The following EPHB1 variants were observed in gnomAD, a reference collection of about 807,000 sequenced individuals.
EPHB1 encodes the protein ephrin type-B receptor 1.
In EPHB1, 30 loss-of-function variants were observed where a neutral mutation model predicts 94.4. That is an observed-to-expected ratio of 0.32 (90% CI 0.24 to 0.43). EPHB1 has a LOEUF of 0.43. EPHB1 is among the 20% of genes least tolerant of loss of function. EPHB1 has a pLI of 1.00. For missense variants in EPHB1, 1,055 were observed against 1,308.3 expected, an observed-to-expected ratio of 0.81 and a Z score of 2.99; for synonymous variants, 522 against 489.1, an observed-to-expected ratio of 1.07 and a Z score of -0.89.
At chr3:135,128,598 A>G (rs1321678096) in intron 4 of EPHB1, among the ~76,000 whole-genome samples, 3 of 152,198 alleles carry the variant, frequency 2.0e-5, no homozygotes, top group African/African-American at 7.2e-5. Context: ...CAGCATTGTT[A>G]GGAGGCCATC....
chr3:134,965,261 A>G (rs530893527), intron 3 of EPHB1, among the ~76,000 whole-genome samples: 19 of 152,332 alleles, frequency 1.2e-4, no homozygotes, highest in Admixed American at 2.0e-4. Flanking sequence ...GATACTCATT[A>G]AGAACCAGTA....
In EPHB1 at chr3:135,191,135, G is replaced by C. The variant is rs569896909; in HGVS notation, c.1883-1441G>C. On this transcript the variant is annotated intron_variant, in intron 10 of 15. Transcript: ENST00000398015. ...GAAGGAAGGAAGGGAGGGAGGGACA[G>C]AGGGAGAAAAAGGGAGGAAGGATGG... Among the ~76,000 whole-genome samples the C allele has an allele frequency of 3.3e-5, 5 of 152,004 alleles. 1 individual carries two copies. Among genetic ancestry groups the C allele is most frequent in the African/African-American group, 1.2e-4 (5 of 41,456 alleles).
In EPHB1 at chr3:134,888,657, G is replaced by A. The variant is rs142700274; in HGVS notation, c.59-37159G>A. ...AGGGAGTTGGAGATTGCAGTGAGCC[G>A]TGATCACGCCACTGCACTCCAGCCT... On this transcript the variant is annotated intron_variant, in intron 1 of 15. Transcript: ENST00000398015. Among the ~76,000 whole-genome samples the A allele has an allele frequency of 5.1e-3, 748 of 147,930 alleles. 6 individuals are homozygous for A. The highest frequency in any genetic ancestry group is 0.029 in the South Asian group (137 of 4,706).
intron 3 of EPHB1, among the ~76,000 whole-genome samples, chr3:135,020,706 G>A (rs1323421720): frequency 6.6e-6 from 1 of 152,082 alleles, no homozygotes; most frequent in African/African-American, 2.4e-5. Flanking sequence ...ATTCTCCGAG[G>A]TTAGGTGTCC....
At chr3:135,101,569 A>T (rs1352589563) in intron 3 of EPHB1, among the ~76,000 whole-genome samples, 5 of 151,318 alleles carry the variant, frequency 3.3e-5, no homozygotes, top group African/African-American at 1.2e-4. Context: ...TTTAGTAGAG[A>T]CAGGGTTTCA....
At chr3:135,125,232 C>G (rs531723429) in intron 4 of EPHB1, among the ~76,000 whole-genome samples, 1 of 151,600 alleles carries the variant, frequency 6.6e-6, no homozygotes, top group African/African-American at 2.4e-5. Flanking sequence ...GCCTCAGTAA[C>G]CTCCCTCCCC....
intron 12 of EPHB1, among the ~76,000 whole-genome samples, chr3:135,216,654 T>G (rs767634149): frequency 2.2e-5 from 3 of 136,764 alleles, no homozygotes; most frequent in East Asian, 2.1e-4. Context: ...ACCCAGGAGA[T>G]AGAGGTTGCA....
At chr3:135,036,868 A>G (rs1936663170) in intron 3 of EPHB1, among the ~76,000 whole-genome samples, 1 of 152,150 alleles carries the variant, frequency 6.6e-6, no homozygotes, top group South Asian at 2.1e-4. Context: ...GGTTTACAAA[A>G]GTGAGCAGTG....
At chr3:134,878,871 C>A (rs891750245) in intron 1 of EPHB1, among the ~76,000 whole-genome samples, 6 of 152,192 alleles carry the variant, frequency 3.9e-5, no homozygotes, top group Admixed American at 6.5e-5. Context: ...GAATAGAGGA[C>A]AACTTTTGAT....
At chr3:134,883,830 A>G (rs2037809876) in intron 1 of EPHB1, among the ~76,000 whole-genome samples, 2 of 152,186 alleles carry the variant, frequency 1.3e-5, no homozygotes, top group African/African-American at 2.4e-5. Flanking sequence ...GCCCTGCCTT[A>G]GAGGCAAGAG....
intron 1 of EPHB1, among the ~76,000 whole-genome samples, chr3:134,917,408 AG>A (rs1221185161): frequency 1.3e-5 from 2 of 152,230 alleles, no homozygotes; most frequent in Non-Finnish European, 2.9e-5. Context: ...AGAGCCCTGG[AG>A]GGAGAGAAAT....
chr3:135,112,466 G>A (rs1266467481), intron 4 of EPHB1, among the ~76,000 whole-genome samples: 2 of 151,814 alleles, frequency 1.3e-5, no homozygotes, highest in African/African-American at 2.4e-5. Flanking sequence ...ATATACATGT[G>A]CCATGTTGGT....
At chr3:135,218,901 C>G (rs148369449) in intron 12 of EPHB1, among the ~76,000 whole-genome samples, 8 of 152,162 alleles carry the variant, frequency 5.3e-5, no homozygotes, top group South Asian at 4.1e-4. Flanking sequence ...AGCCCAAGGA[C>G]GAAAAGGGGT....
At position 135,109,709 on chromosome 3, in the gene EPHB1, C is replaced by T. The variant is rs113270892; in HGVS notation, c.961+3106C>T. On this transcript the variant is annotated intron_variant, in intron 4 of 15. Transcript: ENST00000398015. ...TGAAAACAAATGAGAAGGTGACTGC[C>T]CTACCCTGCGACCTGGTGTGCAGTG... is the stretch of plus-strand genomic sequence containing the variant. 4.5e-3 allele frequency among the ~76,000 whole-genome samples: 684 copies of T among 152,322 alleles called. 5 individuals carry two copies. Among genetic ancestry groups the T allele is most frequent in the African/African-American group, 0.016 (658 of 41,570 alleles).
At chr3:135,255,441 A>G (rs557121035) in intron 15 of EPHB1, among the ~76,000 whole-genome samples, 1 of 137,742 alleles carries the variant, frequency 7.3e-6, no homozygotes, top group Non-Finnish European at 1.6e-5. Context: ...GGTTTCAAAG[A>G]ACATCTTTAT....
At chr3:135,152,210 T>C (rs1256741435) in intron 5 of EPHB1, among the ~76,000 whole-genome samples, 1 of 152,234 alleles carries the variant, frequency 6.6e-6, no homozygotes, top group Non-Finnish European at 1.5e-5. Context: ...TTTCCTTAGA[T>C]ATTTGACAAG....
chr3:135,168,264 G>A (rs1327912462), intron 9 of EPHB1, among the ~76,000 whole-genome samples: 1 of 152,240 alleles, frequency 6.6e-6, no homozygotes, highest in Non-Finnish European at 1.5e-5. Flanking sequence ...ACTGGCTCGA[G>A]CACTGCTGCT....
chr3:135,001,887 G>T (rs1012746214), intron 3 of EPHB1, among the ~76,000 whole-genome samples: 1 of 152,174 alleles, frequency 6.6e-6, no homozygotes, highest in African/African-American at 2.4e-5. Flanking sequence ...AATAGTTGTT[G>T]TGGTTGTTTT....
chr3:135,076,043 C>G (rs1392969036), intron 3 of EPHB1, among the ~76,000 whole-genome samples: 1 of 151,932 alleles, frequency 6.6e-6, no homozygotes, highest in East Asian at 1.9e-4. Flanking sequence ...TTACCTCACA[C>G]CATATACAAA....
Sources: gnomAD v4.1 joint callset for allele counts (sites outside exome capture counted in the v4.1 genomes callset) on GRCh38, gnomAD v4.1.1 for gene constraint, MANE v1.5 for transcripts, NCBI Gene and HGNC (gene_info 2026-07-23, HGNC 2026-07-21) for gene names.